The following CFAP58 variants were observed in gnomAD, a reference collection of about 807,000 sequenced individuals.
CFAP58 encodes cilia and flagella associated protein 58, also known as cilia- and flagella-associated protein 58.
In CFAP58, 88 loss-of-function variants were observed where a neutral mutation model predicts 119.5. The observed-to-expected ratio is 0.74, with a 90% confidence interval of 0.62 to 0.88. The LOEUF (loss-of-function observed/expected upper bound fraction) is 0.88, where lower values mean the gene tolerates loss of function less well. Ranked by LOEUF, CFAP58 falls within the 40% of genes least tolerant of loss-of-function variation. The probability of loss-of-function intolerance (pLI) is 0.00; values close to 1 mark genes in which losing one functional copy is unlikely to be tolerated. For synonymous variants in CFAP58, 365 were observed against 366.3 expected, an observed-to-expected ratio of 1.00 and a Z score of 0.04; for missense variants, 990 against 1,021.2, an observed-to-expected ratio of 0.97 and a Z score of 0.42.
intron 15 of CFAP58, among the ~76,000 whole-genome samples, chr10:104,439,704 T>TAACAACAACAACAACAAC (rs60040374): frequency 0.036 from 5,493 of 151,234 alleles, 130 homozygotes; most frequent in Middle Eastern, 0.072. Flanking sequence ...GACTCTGTCT[T>TAACAACAACAACAACAAC]AACAACAACA....
chr10:104,415,549 G>T (rs753810087), intron 15 of CFAP58, among the ~76,000 whole-genome samples: 1 of 152,148 alleles, frequency 6.6e-6, no homozygotes, highest in Non-Finnish European at 1.5e-5. Context: ...TGAGGTGTAA[G>T]CTGCTAGAGC....
intron 15 of CFAP58, among the ~76,000 whole-genome samples, chr10:104,438,648 T>A (rs924698930): frequency 6.6e-6 from 1 of 152,222 alleles, no homozygotes; most frequent in African/African-American, 2.4e-5. Flanking sequence ...GTGCTGGGAT[T>A]ACAGGCGTGA....
intron 11 of CFAP58, among the ~76,000 whole-genome samples, chr10:104,394,765 A>T (rs1429143865): frequency 6.6e-6 from 1 of 152,246 alleles, no homozygotes; most frequent in Non-Finnish European, 1.5e-5. Context: ...AAATATACAT[A>T]TATTTTCTAA....
intron 15 of CFAP58, among the ~76,000 whole-genome samples, chr10:104,417,816 G>T (rs2012577274): frequency 6.6e-6 from 1 of 152,168 alleles, no homozygotes; most frequent in African/African-American, 2.4e-5. Flanking sequence ...TCACAGAGAA[G>T]GGAACTGAAC....
At chr10:104,450,297 T>C in intron 17 of CFAP58, 93 bp downstream of exon 17, 3 of 1,283,202 alleles carry the variant, frequency 2.3e-6, no homozygotes, top group Non-Finnish European at 3.3e-6. Context: ...CAAGTTTCAC[T>C]GGGGTAAACT....
intron 7 of CFAP58, among the ~76,000 whole-genome samples, chr10:104,372,378 G>C (rs1450360563): frequency 1.3e-5 from 2 of 151,650 alleles, no homozygotes; most frequent in Admixed American, 1.3e-4. Context: ...AAAAGAGAGA[G>C]AAAAAAAAGA....
intron 15 of CFAP58, among the ~76,000 whole-genome samples, chr10:104,446,192 T>C (rs901826401): frequency 6.6e-6 from 1 of 152,224 alleles, no homozygotes; most frequent in Non-Finnish European, 1.5e-5. Flanking sequence ...GATTATATTG[T>C]AAGGTGTGAC....
At chr10:104,427,976 T>A (rs1186433104) in intron 15 of CFAP58, among the ~76,000 whole-genome samples, 2 of 152,110 alleles carry the variant, frequency 1.3e-5, no homozygotes, top group East Asian at 3.8e-4. Flanking sequence ...AGTGTGCTGT[T>A]GAGGGGATGA....
chr10:104,376,674 G>A, intron 7 of CFAP58, 137 bp from the exon 8 acceptor site: 1 of 613,210 alleles, frequency 1.6e-6, no homozygotes, highest in South Asian at 2.0e-5. Context: ...TTATACCAAA[G>A]GTCACATACA....
rs139653721 is a variant in CFAP58, at chr10:104,362,053, T to C, written c.322T>C (p.Ser108Pro). The change falls in exon 3 of 18, where the codon TCA becomes CCA. Residue 108 changes from serine (S) to proline (P), a missense_variant. Ser to Pro is a moderately conservative substitution (Grantham distance 74). Transcript: ENST00000369704. ...EIEKAWKMVD[S>P]AYDKEQKAKE... ...TGAAAAGGCCTGGAAGATGGTGGAC[T>C]CAGCCTATGACAAAGAGCAGAAGGC... The C allele has an allele frequency of 3.7e-6, 6 of 1,613,938 alleles. No individual in the cohort carries two copies. The Admixed American group carries it at 1.0e-4, about 27-fold the overall frequency.
intron 15 of CFAP58, among the ~76,000 whole-genome samples, chr10:104,425,659 G>A (rs1003427468): frequency 6.6e-6 from 1 of 152,212 alleles, no homozygotes; most frequent in Non-Finnish European, 1.5e-5. Flanking sequence ...AGGTCACATA[G>A]TATCCCGTGG....
the CFAP58 span, among the ~76,000 whole-genome samples, chr10:104,346,491 G>A: frequency 6.6e-6 from 1 of 151,820 alleles, no homozygotes; most frequent in African/African-American, 2.4e-5. Flanking sequence ...AGGACTACAG[G>A]TGTGCAACAC....
At chr10:104,410,364 C>G (rs1190453941) in intron 15 of CFAP58, among the ~76,000 whole-genome samples, 1 of 152,308 alleles carries the variant, frequency 6.6e-6, no homozygotes, top group African/African-American at 2.4e-5. Context: ...CTACATATCT[C>G]CAATTCCTTA....
At chr10:104,430,887 G>A (rs1242090605) in intron 15 of CFAP58, among the ~76,000 whole-genome samples, 1 of 152,188 alleles carries the variant, frequency 6.6e-6, no homozygotes, top group Non-Finnish European at 1.5e-5. Flanking sequence ...ATTTATTAAT[G>A]TGATATTTTA....
chr10:104,368,568 C>G lies in CFAP58; in HGVS notation c.930+8C>G, dbSNP rs777474761. ...AAGGCGTTGGAGCTCAAAGTAAACA[C>G]CAAGTTACATGTCTGTTCCCTAGCT... is the stretch of plus-strand genomic sequence containing the variant. On this transcript the variant is annotated splice_region_variant and intron_variant, in intron 6 of 17. Coordinates refer to ENST00000369704, the MANE Select transcript of CFAP58 (RefSeq NM_001008723.2). 3 of 1,613,658 alleles carry G rather than the reference C, an allele frequency of 1.9e-6. No individual in the cohort carries two copies. The highest frequency in any genetic ancestry group is 2.5e-6 in the Non-Finnish European group (3 of 1,179,700).
chr10:104,367,543 A>G (rs1159506456), intron 5 of CFAP58, among the ~76,000 whole-genome samples: 1 of 117,898 alleles, frequency 8.5e-6, no homozygotes, highest in African/African-American at 4.9e-5. Context: ...TGAGCATGAA[A>G]CATAAGAGAG....
intron 2 of CFAP58, among the ~76,000 whole-genome samples, 198 bp from the exon 3 acceptor site, chr10:104,361,825 A>G (rs1418802794): frequency 1.3e-5 from 2 of 152,206 alleles, no homozygotes; most frequent in South Asian, 2.1e-4. Flanking sequence ...AGCTGAGACT[A>G]TAGGCCTGTA....
intron 6 of CFAP58, 49 bp downstream of exon 6, chr10:104,368,609 A>G: frequency 6.2e-7 from 1 of 1,603,788 alleles, no homozygotes; most frequent in Non-Finnish European, 8.5e-7. Context: ...TTCCTAACAC[A>G]GGTTTGCCTT....
Position 104,403,811 on chromosome 10 carries a change from C to T in CFAP58, c.2122C>T (p.Leu708=). 1 of 1,611,448 alleles carries T rather than the reference C, an allele frequency of 6.2e-7. No homozygotes were observed. Among genetic ancestry groups the T allele is most frequent in the Non-Finnish European group, 8.5e-7 (1 of 1,178,666 alleles). Residue 708 remains leucine (L), a synonymous_variant, in exon 14 of 18, where the codon CTG becomes TTG. Transcript: ENST00000369704. ...RALEEELENP[L]NVHRWRKLEA... ...CCTGGAGGAGGAGCTGGAGAATCCCCTGAATGTGCACAGATGGAGGAAGCT... is the reference window on the plus strand; with the variant it reads ...CCTGGAGGAGGAGCTGGAGAATCCCTTGAATGTGCACAGATGGAGGAAGCT...
Sources: allele counts gnomAD v4.1 joint callset (sites outside exome capture counted in the v4.1 genomes callset), GRCh38; gene constraint gnomAD v4.1.1; transcripts MANE v1.5; gene names NCBI Gene and HGNC (gene_info 2026-07-23, HGNC 2026-07-21).